Variants in CAPN6 observed in about 807,000 individuals in gnomAD.
The protein encoded by CAPN6 is calpain-6.
Under a neutral mutation model 46.0 loss-of-function variants are expected in CAPN6, and 16 were observed. That is an observed-to-expected ratio of 0.35 (90% CI 0.24 to 0.53). CAPN6 has a LOEUF of 0.53. CAPN6 is among the 20% of genes least tolerant of loss of function. The pLI is 0.94. For missense variants in CAPN6, 461 were observed against 498.0 expected (o/e 0.93, Z 0.71); for synonymous variants, 206 against 172.8 (o/e 1.19, Z -1.51).
In CAPN6 at chrX:111,252,448, A is replaced by G. The variant is rs1185996901; in HGVS notation, c.558T>C (p.Ile186=). Residue 186 remains isoleucine (I), a synonymous_variant, in exon 5 of 13, where the codon ATT becomes ATC. Transcript: ENST00000324068. ...ALDGLTITDI[I]VDFTGTLAET... ...CAGCCAATGTGCCCGTGAAGTCCAC[A>G]ATAATATCAGTGATGGTCAAACCAT... The G allele has an allele frequency of 1.7e-6, 2 of 1,211,354 alleles. No homozygotes were observed. Among genetic ancestry groups the G allele is most frequent in the South Asian group, 1.8e-5 (1 of 56,852 alleles).
chrX:111,263,685 C>G (rs1445762111), intron 2 of CAPN6, 87 bp downstream of exon 2: 6 of 827,163 alleles, frequency 7.3e-6, no homozygotes, highest in Non-Finnish European at 1.0e-5. Context: ...TTGGTCTACA[C>G]AGTAGGCTTT....
intron 8 of CAPN6, among the ~76,000 whole-genome samples, chrX:111,249,303 G>A (rs759054663): frequency 7.2e-5 from 8 of 111,788 alleles, no homozygotes; most frequent in South Asian, 7.6e-4. Flanking sequence ...AGCCTTTGAT[G>A]CCAAAGAGGA....
intron 9 of CAPN6, 35 bp from the exon 10 acceptor site, chrX:111,248,806 C>T: frequency 8.4e-7 from 1 of 1,196,718 alleles, no homozygotes; most frequent in Non-Finnish European, 1.1e-6. Context: ...TTCAATTCCA[C>T]TCAAATCATG....
At position 111,251,300 on chromosome X, in the gene CAPN6, GAA is replaced by G. The variant is rs201147886; in HGVS notation, c.894-16_894-15del. ...CACTCTTCAGAACTGAAAGTAAATAGAAAAAAAAAAAAAAGATAAATCATTAT... is the reference window on the plus strand; with the variant it reads ...CACTCTTCAGAACTGAAAGTAAATAGAAAAAAAAAAAAGATAAATCATTAT... On this transcript the variant is annotated splice_polypyrimidine_tract_variant and intron_variant, in intron 6 of 12. Coordinates refer to ENST00000324068, the MANE Select transcript of CAPN6 (RefSeq NM_014289.4). 4.4e-4 allele frequency: 401 copies of G among 914,379 alleles called. No individual in the cohort carries two copies. The highest frequency in any genetic ancestry group is 7.4e-4 in the Admixed American group (22 of 29,773). The allele number at this position is 914,379 out of a possible 1,213,427, so 75.4% of individuals were successfully genotyped here.
intron 10 of CAPN6, 84 bp from the exon 11 acceptor site, chrX:111,248,076 G>T: frequency 1.1e-6 from 1 of 940,312 alleles, no homozygotes; most frequent in Non-Finnish European, 1.5e-6. Context: ...CATCATTGCT[G>T]AAAAGCATGA....
chrX:111,269,688 T>A (rs1425153776), intron 1 of CAPN6, among the ~76,000 whole-genome samples: 1 of 111,836 alleles, frequency 8.9e-6, no homozygotes, highest in Non-Finnish European at 1.9e-5. Context: ...GAGCCCCATC[T>A]TGAAATCAAA....
chrX:111,262,758 C>T (rs1298286939), intron 2 of CAPN6, among the ~76,000 whole-genome samples: 1 of 111,998 alleles, frequency 8.9e-6, no homozygotes, highest in Non-Finnish European at 1.9e-5. Context: ...AGCTCCTGCT[C>T]ATGTAGGACT....
rs17882296 is a variant in CAPN6, at chrX:111,260,275, C to T, written c.165+3497G>A. The stretch of plus-strand genomic sequence containing the variant: ...TGCCCAAGAATGGGGCGGCGGGGGG[C>T]CGGGGGGGCGCCAAGGCGGCGAGGG... On this transcript the variant is annotated intron_variant, in intron 2 of 12. Transcript: ENST00000324068. Among the ~76,000 whole-genome samples, 17 of 108,546 alleles carry T rather than the reference C, an allele frequency of 1.6e-4. No individual in the cohort carries two copies. In the East Asian group the frequency reaches 4.5e-3, roughly 29 times the overall value. The allele number at this position is 108,546 out of a possible 115,157, so 94.3% of individuals were successfully genotyped here.
In CAPN6 at chrX:111,264,613, C is replaced by T. The variant is rs145412612; in HGVS notation, c.-15-662G>A. 1.8e-3 allele frequency among the ~76,000 whole-genome samples: 198 copies of T among 110,906 alleles called. 1 individual carries two copies. Among genetic ancestry groups the T allele is most frequent in the African/African-American group, 5.4e-3 (165 of 30,429 alleles). On this transcript the variant is annotated intron_variant, in intron 1 of 12. Coordinates refer to ENST00000324068, the MANE Select transcript of CAPN6 (RefSeq NM_014289.4). ...AAAAGTCTAATGTATAATCCTTTGC[C>T]TGTGATAAAAGGCAGACTCTGAAAT...
Position 111,254,264 on chromosome X carries a change from G to C in CAPN6, c.297+8C>G. The C allele has an allele frequency of 8.3e-7, 1 of 1,203,360 alleles. No homozygotes were observed. Reference sequence around the variant, plus strand: ...AAACTGAATGAGGTCCCACAGGAGGGATAATACCTTTGTCCAATGAGACTC... The same window carrying C: ...AAACTGAATGAGGTCCCACAGGAGGCATAATACCTTTGTCCAATGAGACTC... On this transcript the variant is annotated splice_region_variant and intron_variant, in intron 3 of 12. Coordinates refer to ENST00000324068, the MANE Select transcript of CAPN6 (RefSeq NM_014289.4).
chrX:111,245,657 T>A lies in CAPN6; in HGVS notation c.*920A>T, dbSNP rs1337581571. The A allele has an allele frequency of 8.9e-6, 1 of 112,612 alleles. No homozygotes were observed. The highest frequency in any genetic ancestry group is 3.2e-5 in the African/African-American group (1 of 30,917). 9.3% of individuals were successfully genotyped at this position (112,612 alleles called of 1,213,427 possible). Reference sequence around the variant, plus strand: ...TTGCAGTCAGGGGCCCCAAACTGGCTGTAATATGTCTGGATGAATTCTCTC... The same window carrying A: ...TTGCAGTCAGGGGCCCCAAACTGGCAGTAATATGTCTGGATGAATTCTCTC... On this transcript the variant is annotated 3_prime_UTR_variant, in exon 13 of 13. Coordinates refer to ENST00000324068, the MANE Select transcript of CAPN6 (RefSeq NM_014289.4).
At chrX:111,247,288 A>T in intron 12 of CAPN6, 80 bp downstream of exon 12, 1 of 867,390 alleles carries the variant, frequency 1.2e-6, no homozygotes, top group South Asian at 3.7e-5. Context: ...TGCATCCTAA[A>T]CATATATAAG....
intron 1 of CAPN6, among the ~76,000 whole-genome samples, chrX:111,267,577 C>G (rs1405919335): frequency 4.5e-5 from 5 of 111,458 alleles, no homozygotes; most frequent in Non-Finnish European, 9.4e-5. Context: ...AGCAAAATCT[C>G]TTGCTTCTTA....
chrX:111,269,765 G>T (rs1490677321), intron 1 of CAPN6, among the ~76,000 whole-genome samples: 2 of 111,906 alleles, frequency 1.8e-5, no homozygotes, highest in African/African-American at 6.5e-5. Context: ...GAATAGCCAA[G>T]ATCAACCTGT....
In CAPN6 at chrX:111,256,601, A is replaced by G. The variant is rs901855702; in HGVS notation, c.166-2198T>C. Among the ~76,000 whole-genome samples, 5 of 111,621 alleles carry G rather than the reference A, an allele frequency of 4.5e-5. No homozygotes were observed. In the Admixed American group the frequency reaches 4.8e-4, roughly 11 times the overall value. ...AATTTCCATAAAATTTTCATTTCACAGTAGGTATCTAGGCTTAGCCAACAC... is the reference window on the plus strand; with the variant it reads ...AATTTCCATAAAATTTTCATTTCACGGTAGGTATCTAGGCTTAGCCAACAC... On this transcript the variant is annotated intron_variant, in intron 2 of 12. Transcript: ENST00000324068.
intron 1 of CAPN6, among the ~76,000 whole-genome samples, chrX:111,269,257 T>C (rs1412334005): frequency 8.9e-6 from 1 of 111,760 alleles, no homozygotes; most frequent in Non-Finnish European, 1.9e-5. Flanking sequence ...ATACAAAGTA[T>C]TCACACACAC....
chrX:111,252,529 T>C (rs1300113954), intron 4 of CAPN6, 30 bp from the exon 5 acceptor site: 2 of 1,132,762 alleles, frequency 1.8e-6, no homozygotes, highest in Admixed American at 4.9e-5. Context: ...GTTATCTTTG[T>C]AAAATTGTTT....
intron 5 of CAPN6, 94 bp downstream of exon 5, chrX:111,252,213 G>A: frequency 2.9e-6 from 2 of 685,037 alleles, no homozygotes; most frequent in Non-Finnish European, 4.3e-6. Context: ...AGTTTTTCAT[G>A]GGTCTTCGGG....
intron 2 of CAPN6, among the ~76,000 whole-genome samples, chrX:111,262,067 G>A (rs1344925147): frequency 1.8e-5 from 2 of 110,106 alleles, no homozygotes; most frequent in African/African-American, 6.6e-5. Context: ...CCCAGACAAC[G>A]TATCTCTATT....
Sources: gnomAD v4.1 joint callset for allele counts (sites outside exome capture counted in the v4.1 genomes callset) on GRCh38, gnomAD v4.1.1 for gene constraint, MANE v1.5 for transcripts, NCBI Gene and HGNC (gene_info 2026-07-23, HGNC 2026-07-21) for gene names.